The following HABP2 variants were observed in gnomAD, a reference collection of about 807,000 sequenced individuals.
HABP2 encodes the protein hyaluronan binding protein 2, also known as factor VII-activating protease.
In HABP2, 65 loss-of-function variants were observed where a neutral mutation model predicts 66.5. The observed-to-expected ratio is 0.98, with a 90% CI of 0.80 to 1.20. The LOEUF (loss-of-function observed/expected upper bound fraction) is 1.20. HABP2 is among the 50% of genes most tolerant of loss of function. HABP2 has a pLI of 0.00. For synonymous variants in HABP2, 263 were observed against 253.9 expected (o/e 1.04, Z -0.34); for missense variants, 786 against 691.0 (o/e 1.14, Z -1.54).
Position 113,583,270 on chromosome 10 carries a change from A to G in HABP2, c.1149A>G (p.Glu383=). The G allele has an allele frequency of 6.2e-7, 1 of 1,613,002 alleles. No individual in the cohort carries two copies. The highest frequency in any genetic ancestry group is 1.7e-5 in the Admixed American group (1 of 60,024). The change falls in exon 10 of 13, where the codon GAA becomes GAG. Residue 383 remains glutamate, a synonymous_variant. Coordinates refer to ENST00000351270, the MANE Select transcript of HABP2 (RefSeq NM_004132.5). ...VVLGDQDLKK[E]EFHEQSFRVE... The stretch of plus-strand genomic sequence containing the variant: ...TAGGGGACCAGGACCTGAAGAAAGA[A>G]GAATTTCATGAGCAGAGCTTTAGGG...
At chr10:113,587,731 T>G (rs1246593544) in intron 12 of HABP2, among the ~76,000 whole-genome samples, 1 of 152,112 alleles carries the variant, frequency 6.6e-6, no homozygotes, top group East Asian at 1.9e-4. Flanking sequence ...CCCTGGGGGA[T>G]GGGGATCTAT....
At chr10:113,565,317 G>A (rs1845178419) in intron 1 of HABP2, among the ~76,000 whole-genome samples, 1 of 152,172 alleles carries the variant, frequency 6.6e-6, no homozygotes, top group African/African-American at 2.4e-5. Flanking sequence ...CTGAGGCTGG[G>A]TGATGTATTT....
Position 113,553,180 on chromosome 10 carries a change from C to A in HABP2, c.59C>A (p.Thr20Lys). Residue 20 changes from threonine (T) to lysine (K), a missense_variant, in exon 1 of 13, where the codon ACA becomes AAA. Transcript: ENST00000351270. ...VLLLMALVGKTACGFSLMSLL... is the reference protein window; with the variant it reads ...VLLLMALVGKKACGFSLMSLL... ...CTGTTAATGGCTCTGGTGGGAAAGA[C>A]AGCCTGTGGGGTAAGTGTTCTTTTC... 2.5e-6 allele frequency: 4 copies of A among 1,609,882 alleles called. No homozygotes were observed. The highest frequency in any genetic ancestry group is 3.4e-6 in the Non-Finnish European group (4 of 1,176,102).
intron 2 of HABP2, among the ~76,000 whole-genome samples, chr10:113,573,645 C>G (rs1845354060): frequency 1.3e-5 from 2 of 152,140 alleles, no homozygotes; most frequent in African/African-American, 4.8e-5. Flanking sequence ...AATACACCTC[C>G]TAGATTTTTA....
rs764737004 is a variant in HABP2, at chr10:113,588,348, C to T, written c.1662C>T (p.Ile554=). The change falls in exon 13 of 13, where the codon ATC becomes ATT. Residue 554 remains isoleucine (I), a synonymous_variant. Transcript: ENST00000351270. ...TCCTGAATTGGATCAAAGCCACCATCAAAAGTGAAAGTGGCTTCTAAGGTA... is the reference window on the plus strand; with the variant it reads ...TCCTGAATTGGATCAAAGCCACCATTAAAAGTGAAAGTGGCTTCTAAGGTA... ...TKFLNWIKAT[I]KSESGF is the part of the protein sequence containing the mutation. The T allele has an allele frequency of 1.2e-6, 2 of 1,613,104 alleles. No individual in the cohort carries two copies. Among genetic ancestry groups the T allele is most frequent in the African/African-American group, 1.3e-5 (1 of 74,892 alleles).
Position 113,578,065 on chromosome 10 carries a change from C to A in HABP2, c.488C>A (p.Ala163Asp). 3 of 1,614,146 alleles carry A rather than the reference C, an allele frequency of 1.9e-6. No homozygotes were observed. The highest frequency in any genetic ancestry group is 2.5e-6 in the Non-Finnish European group (3 of 1,179,964). Residue 163 changes from alanine to aspartate, a missense_variant, in exon 6 of 13, where the codon GCT (alanine) becomes GAT (aspartate). Coordinates refer to ENST00000351270, the MANE Select transcript of HABP2 (RefSeq NM_004132.5). ...AGGCCAAACCCCTGCCAGAATGGGG[C>A]TACCTGCTCCCGGCATAAGCGGAGA... ...VCRPNPCQNG[A>D]TCSRHKRRSK...
chr10:113,558,027 C>T (rs113699490), intron 1 of HABP2, among the ~76,000 whole-genome samples: 394 of 152,334 alleles, frequency 2.6e-3, no homozygotes, highest in Non-Finnish European at 4.6e-3. Flanking sequence ...GATCATCATG[C>T]CTGGCACTGC....
chr10:113,552,707 A>G (rs1049685366), upstream of HABP2, among the ~76,000 whole-genome samples: 1 of 152,184 alleles, frequency 6.6e-6, no homozygotes, highest in African/African-American at 2.4e-5. Flanking sequence ...CCAGAAGTCT[A>G]TTAACATTCT....
chr10:113,573,315 A>G (rs776661506), intron 2 of HABP2, among the ~76,000 whole-genome samples: 1 of 152,156 alleles, frequency 6.6e-6, no homozygotes. Flanking sequence ...TTTTTTCCCA[A>G]TGACCAGTCT....
chr10:113,568,055 C>T (rs1845232956), intron 2 of HABP2, among the ~76,000 whole-genome samples: 1 of 152,254 alleles, frequency 6.6e-6, no homozygotes, highest in Admixed American at 6.5e-5. Flanking sequence ...CAGGTGGGTC[C>T]TGTATCTTCA....
intron 4 of HABP2, among the ~76,000 whole-genome samples, chr10:113,576,613 G>A (rs1170568777): frequency 2.6e-5 from 4 of 152,154 alleles, no homozygotes; most frequent in South Asian, 2.1e-4. Flanking sequence ...AGCTGTATTC[G>A]GGCTGCTCTA....
At chr10:113,566,612 A>G (rs1845202728) in intron 1 of HABP2, among the ~76,000 whole-genome samples, 1 of 152,252 alleles carries the variant, frequency 6.6e-6, no homozygotes, top group South Asian at 2.1e-4. Flanking sequence ...GACAGGTGAC[A>G]TGCAAATAAA....
In HABP2 at chr10:113,589,027, G is replaced by A. The variant is rs1845758506; in HGVS notation, c.*658G>A. 6.2e-7 allele frequency: 1 copy of A among 1,613,990 alleles called. No homozygotes were observed. Among genetic ancestry groups the A allele is most frequent in the South Asian group, 1.1e-5 (1 of 91,072 alleles). On this transcript the variant is annotated 3_prime_UTR_variant, in exon 13 of 13. Transcript: ENST00000351270. ...GACGTGCAGAATCTCAGTGGCATCT[G>A]GGTTCACCTCCCCACTCTGATGATC...
chr10:113,583,849 C>T (rs930158123), intron 10 of HABP2, among the ~76,000 whole-genome samples: 9 of 152,114 alleles, frequency 5.9e-5, no homozygotes, highest in African/African-American at 2.2e-4. Context: ...CATGAGACAC[C>T]CCCCCACCTC....
At chr10:113,571,723 C>T (rs1232939146) in intron 2 of HABP2, among the ~76,000 whole-genome samples, 8 of 152,194 alleles carry the variant, frequency 5.3e-5, no homozygotes, top group African/African-American at 1.7e-4. Flanking sequence ...AGCTCCCTCA[C>T]CTCTTCACTA....
intron 9 of HABP2, 27 bp downstream of exon 9, chr10:113,582,158 G>A: frequency 6.3e-7 from 1 of 1,583,580 alleles, no homozygotes; most frequent in East Asian, 2.2e-5. Context: ...GCAGGGACCA[G>A]GGTGGCTTGA....
intron 3 of HABP2, among the ~76,000 whole-genome samples, chr10:113,574,754 C>A (rs1292676563): frequency 6.6e-6 from 1 of 152,202 alleles, no homozygotes. Context: ...GCTTAGATTA[C>A]AGGTCAGACC....
intron 2 of HABP2, chr10:113,570,251 G>A (rs1444134943): frequency 6.6e-6 from 1 of 152,216 alleles, no homozygotes; most frequent in African/African-American, 2.4e-5. Flanking sequence ...TTGCTTTAAG[G>A]TGAAGTAAGA....
intron 2 of HABP2, among the ~76,000 whole-genome samples, chr10:113,571,072 C>T (rs1414189088): frequency 2.0e-5 from 3 of 152,314 alleles, no homozygotes; most frequent in South Asian, 2.1e-4. Flanking sequence ...CCCTGTGTGT[C>T]GGTTTGTTAT....
Sources: allele counts gnomAD v4.1 joint callset (sites outside exome capture counted in the v4.1 genomes callset), GRCh38; gene constraint gnomAD v4.1.1; transcripts MANE v1.5; gene names NCBI Gene and HGNC (gene_info 2026-07-23, HGNC 2026-07-21).